TBX15: variants seen among roughly 807,000 people sequenced by gnomAD.
TBX15 encodes T-box transcription factor TBX15.
A neutral mutation model predicts 53.9 loss-of-function variants in TBX15; 18 were observed. The ratio of observed to expected loss-of-function variants is 0.33; its 90% CI spans 0.23 to 0.49. The LOEUF (loss-of-function observed/expected upper bound fraction) is 0.49, where lower values mean the gene tolerates loss of function less well. Ranked by LOEUF, TBX15 falls within the 20% of genes least tolerant of loss-of-function variation. The pLI, the probability that TBX15 is intolerant of heterozygous loss-of-function variation, is 0.98. For missense variants in TBX15, 692 were observed against 749.5 expected (o/e 0.92, Z 0.90); for synonymous variants, 295 against 278.0 (o/e 1.06, Z -0.61).
At chr1:118,923,330 G>C in intron 5 of TBX15, 106 bp downstream of exon 5, 1 of 1,386,494 alleles carries the variant, frequency 7.2e-7, no homozygotes, top group Non-Finnish European at 1.0e-6. Context: ...TGGACTAAGG[G>C]TTGTTGTATG....
chr1:118,924,806 T>G lies in TBX15; in HGVS notation c.533A>C (p.His178Pro). The G allele has an allele frequency of 6.2e-7, 1 of 1,613,864 alleles. No homozygotes were observed. The highest frequency in any genetic ancestry group is 8.5e-7 in the Non-Finnish European group (1 of 1,179,954). The change falls in exon 4 of 8, where the codon CAT becomes CCT. Residue 178 changes from histidine (H) to proline (P), a missense_variant. Physicochemically the swap from His to Pro is moderately conservative, Grantham distance 77 (BLOSUM62 -2). Transcript: ENST00000369429. ...GCCAGCCACCATCCACTTGGAGCTA[T>G]GATACACATATCTGAGATAAAGAGG... ...VDNKRYRYVYHSSKWMVAGNA... is the reference protein window; with the variant it reads ...VDNKRYRYVYPSSKWMVAGNA...
intron 7 of TBX15, among the ~76,000 whole-genome samples, chr1:118,893,634 A>C (rs1654292339): frequency 6.8e-6 from 1 of 147,392 alleles, no homozygotes; most frequent in Admixed American, 6.6e-5. Flanking sequence ...AAAGAAAAAG[A>C]AAGAAAGAAA....
chr1:118,965,367 A>G (rs1657003834), intron 1 of TBX15, among the ~76,000 whole-genome samples: 2 of 152,248 alleles, frequency 1.3e-5, no homozygotes, highest in South Asian at 2.1e-4. Context: ...GATGAAATCA[A>G]TTTGCAAGCA....
Position 118,987,852 on chromosome 1 carries a change from G to A in TBX15, c.-57C>T, listed in dbSNP as rs1016074049. The A allele has an allele frequency of 1.9e-6, 3 of 1,539,394 alleles. No homozygotes were observed. Among genetic ancestry groups the A allele is most frequent in the Non-Finnish European group, 2.6e-6 (3 of 1,142,060 alleles). On this transcript the variant is annotated 5_prime_UTR_variant, in exon 1 of 8. Transcript: ENST00000369429. ...CCCCGCTACCGAGGGAGCAGCCGGC[G>A]CCCTCAAGCTCTGAGCGCCCACCGG...
intron 7 of TBX15, among the ~76,000 whole-genome samples, chr1:118,897,974 T>G (rs1204691341): frequency 6.6e-6 from 1 of 152,190 alleles, no homozygotes; most frequent in Non-Finnish European, 1.5e-5. Context: ...CATAAGGGCC[T>G]TGAAGGTGAA....
At chr1:118,983,980 G>C (rs1416911581) in intron 1 of TBX15, among the ~76,000 whole-genome samples, 7 of 152,262 alleles carry the variant, frequency 4.6e-5, no homozygotes, top group Non-Finnish European at 1.0e-4. Flanking sequence ...TTGGAGGTTG[G>C]TAGAGAGGTG....
At chr1:118,898,300 G>C (rs1293245653) in intron 7 of TBX15, among the ~76,000 whole-genome samples, 2 of 152,148 alleles carry the variant, frequency 1.3e-5, no homozygotes, top group African/African-American at 4.8e-5. Context: ...AATGTTAGAA[G>C]CTCCCCTGAA....
chr1:118,964,410 A>C (rs2101685643), intron 1 of TBX15, among the ~76,000 whole-genome samples: 1 of 152,296 alleles, frequency 6.6e-6, no homozygotes, highest in South Asian at 2.1e-4. Context: ...TTATGACAAA[A>C]CCTTTATAGA....
chr1:118,905,592 C>G (rs567878599), intron 6 of TBX15, among the ~76,000 whole-genome samples: 18 of 152,340 alleles, frequency 1.2e-4, no homozygotes, highest in Non-Finnish European at 2.1e-4. Context: ...ATTGTAGATG[C>G]AGTAGTGCCT....
intron 1 of TBX15, among the ~76,000 whole-genome samples, chr1:118,984,089 G>T (rs1256617446): frequency 2.0e-5 from 3 of 152,258 alleles, no homozygotes; most frequent in Admixed American, 1.3e-4. Flanking sequence ...CTCCAAAGAA[G>T]AAAGTGCCCT....
At chr1:118,929,661 G>C (rs552550418) in intron 2 of TBX15, among the ~76,000 whole-genome samples, 16 of 152,248 alleles carry the variant, frequency 1.1e-4, no homozygotes, top group Middle Eastern at 3.4e-3. Flanking sequence ...TGAAATCAGG[G>C]ATATGGAAAT....
chr1:118,893,637 GAA>G (rs1365979718), intron 7 of TBX15, among the ~76,000 whole-genome samples: 41 of 151,286 alleles, frequency 2.7e-4, no homozygotes, highest in Admixed American at 2.7e-3. Context: ...GAAAAAGAAA[GAA>G]AGAAAGGGAG....
chr1:118,976,017 C>T (rs1299233427), intron 1 of TBX15, among the ~76,000 whole-genome samples: 7 of 152,112 alleles, frequency 4.6e-5, no homozygotes, highest in South Asian at 2.1e-4. Flanking sequence ...CCTAGGGAAG[C>T]CACCTTCTCC....
rs145359151 is a variant in TBX15, at chr1:118,960,328, C to T, written c.205+27263G>A. The stretch of plus-strand genomic sequence containing the variant: ...GATTCACACCAGGAAGCTCTAGTTT[C>T]GAGAGCCCCATGCATTTTTGCAGCT... On this transcript the variant is annotated intron_variant, in intron 1 of 7. Coordinates refer to ENST00000369429, the MANE Select transcript of TBX15 (RefSeq NM_001330677.2). Among the ~76,000 whole-genome samples, 43 of 152,304 alleles carry T rather than the reference C, an allele frequency of 2.8e-4. No homozygotes were observed. In the East Asian group the frequency reaches 5.4e-3, roughly 19 times the overall value.
At position 118,899,078 on chromosome 1, in the gene TBX15, G is replaced by A. The variant is rs1250486685; in HGVS notation, c.974C>T (p.Pro325Leu). 2 of 1,613,580 alleles carry A rather than the reference G, an allele frequency of 1.2e-6. No homozygotes were observed. The highest frequency in any genetic ancestry group is 2.2e-5 in the East Asian group (1 of 44,856). Residue 325 changes from proline to leucine, a missense_variant, in exon 7 of 8, where the codon CCT becomes CTT. Pro to Leu is a moderately conservative substitution (Grantham distance 98). Transcript: ENST00000369429. ...GTCTTCGAAGGTGAGTGTGCGCACA[G>A]GAGGTCTCCAGAATGCATATGTCTC... ...IMETYAFWRP[P>L]VRTLTFEDFT... is the part of the protein sequence containing the mutation.
intron 2 of TBX15, among the ~76,000 whole-genome samples, chr1:118,930,051 G>T (rs1655730357): frequency 6.6e-6 from 1 of 152,098 alleles, no homozygotes. Flanking sequence ...CTCCCCCTAG[G>T]AAGCCTTTAA....
chr1:118,924,558 T>A (rs189451226), intron 4 of TBX15, 88 bp downstream of exon 4: 2 of 1,500,334 alleles, frequency 1.3e-6, no homozygotes, highest in African/African-American at 2.8e-5. Context: ...TTCCTTATTT[T>A]ACCTATTTGA....
chr1:118,932,332 T>C (rs1183051980), intron 1 of TBX15, among the ~76,000 whole-genome samples: 3 of 152,178 alleles, frequency 2.0e-5, no homozygotes, highest in Non-Finnish European at 2.9e-5. Context: ...AACACAGAAA[T>C]TTTTCCTCTA....
intron 1 of TBX15, among the ~76,000 whole-genome samples, chr1:118,985,015 C>A (rs73011329): frequency 2.0e-5 from 3 of 152,054 alleles, no homozygotes; most frequent in African/African-American, 4.8e-5. Flanking sequence ...CTAAAGATCG[C>A]GGAATTTTGA....
Sources: gnomAD v4.1 joint callset for allele counts (sites outside exome capture counted in the v4.1 genomes callset) on GRCh38, gnomAD v4.1.1 for gene constraint, MANE v1.5 for transcripts, NCBI Gene and HGNC (gene_info 2026-07-23, HGNC 2026-07-21) for gene names.